The following TUT4 variants were observed in gnomAD, a reference collection of about 807,000 sequenced individuals.
TUT4 encodes the protein terminal uridylyltransferase 4.
Under a neutral mutation model 192.2 loss-of-function variants are expected in TUT4, and 36 were observed. The observed-to-expected ratio is 0.19, with a 90% CI of 0.14 to 0.25. TUT4 has a LOEUF of 0.25. Among genes scored for constraint, TUT4 ranks in the 10% least tolerant of loss-of-function variants. TUT4 has a pLI of 1.00. For synonymous variants in TUT4, 618 were observed against 666.0 expected (o/e 0.93, Z 1.11); for missense variants, 1,493 against 1,957.2 (o/e 0.76, Z 4.47).
chr1:52,499,285 G>T (rs1414823714), intron 4 of TUT4, among the ~76,000 whole-genome samples: 1 of 151,680 alleles, frequency 6.6e-6, no homozygotes, highest in Non-Finnish European at 1.5e-5. Flanking sequence ...GGTAATCCCA[G>T]CTACTCAGGA....
At chr1:52,441,444 A>ATCTTTTTT (rs1553160600) in intron 24 of TUT4, among the ~76,000 whole-genome samples, 1 of 119,984 alleles carries the variant, frequency 8.3e-6, no homozygotes, top group African/African-American at 3.7e-5. Context: ...TCTCGGCTAA[A>ATCTTTTTT]TTTTTTTTTT....
In TUT4 at chr1:52,503,889, A is replaced by G. The variant is rs543256428; in HGVS notation, c.999+5707T>C. Among the ~76,000 whole-genome samples the G allele has an allele frequency of 4.6e-5, 7 of 152,232 alleles. No individual in the cohort carries two copies. The South Asian group carries it at 1.5e-3, about 32-fold the overall frequency. The stretch of plus-strand genomic sequence containing the variant: ...GTCCCTTAAATGTTTGTATTCCTTG[A>G]CATTCTGTCCTTACTCATTTGGTGA... On this transcript the variant is annotated intron_variant, in intron 4 of 29. Coordinates refer to ENST00000257177, the MANE Select transcript of TUT4 (RefSeq NM_001009881.3).
At chr1:52,509,425 C>A (rs1191609149) in intron 4 of TUT4, among the ~76,000 whole-genome samples, 171 bp downstream of exon 4, 1 of 152,196 alleles carries the variant, frequency 6.6e-6, no homozygotes, top group Non-Finnish European at 1.5e-5. Context: ...CAACAAGGTT[C>A]CTTCCTGATT....
intron 29 of TUT4, chr1:52,424,483 T>G (rs2147995637): frequency 6.4e-6 from 1 of 155,380 alleles, no homozygotes; most frequent in Admixed American, 6.3e-5. Context: ...ATTTCCTGAG[T>G]GCCTGTTTTA....
chr1:52,443,222 G>T (rs917433213), intron 24 of TUT4, among the ~76,000 whole-genome samples: 1 of 150,742 alleles, frequency 6.6e-6, no homozygotes, highest in Non-Finnish European at 1.5e-5. Flanking sequence ...GGCAGAGGTT[G>T]CAGTGCACCA....
chr1:52,544,180 C>T (rs749584993), intron 1 of TUT4, among the ~76,000 whole-genome samples: 4 of 150,596 alleles, frequency 2.7e-5, no homozygotes, highest in Non-Finnish European at 5.9e-5. Flanking sequence ...CCAGGCTACT[C>T]GGGAGGCTGA....
At chr1:52,438,805 C>T (rs1654589224) in intron 24 of TUT4, among the ~76,000 whole-genome samples, 1 of 152,196 alleles carries the variant, frequency 6.6e-6, no homozygotes. Flanking sequence ...TGCAGTGACT[C>T]ATGCCTGTAA....
intron 20 of TUT4, among the ~76,000 whole-genome samples, chr1:52,456,560 ACACATATCACTG>A (rs1661044827): frequency 6.6e-6 from 1 of 151,834 alleles, no homozygotes; most frequent in Non-Finnish European, 1.5e-5. Context: ...GGAAATTTAA[ACACATATCACTG>A]AGTGATGGAA....
At chr1:52,446,788 A>G (rs998959359) in intron 20 of TUT4, 121 bp from the exon 21 acceptor site, 22 of 657,266 alleles carry the variant, frequency 3.3e-5, no homozygotes, top group African/African-American at 3.7e-5. Flanking sequence ...TCCAAAAAGA[A>G]CATGTCAGGA....
intron 14 of TUT4, among the ~76,000 whole-genome samples, chr1:52,471,008 CTTTTTTTTTT>C (rs771331613): frequency 4.9e-5 from 4 of 82,148 alleles, no homozygotes; most frequent in African/African-American, 6.1e-5. Context: ...GCACTCTATG[CTTTTTTTTTT>C]TTTTTTTTTT....
At chr1:52,434,540 T>G (rs1653139865) in intron 27 of TUT4, 1 of 152,116 alleles carries the variant, frequency 6.6e-6, no homozygotes, top group African/African-American at 2.4e-5. Flanking sequence ...CAAACAATAT[T>G]AAACTTATGA....
intron 22 of TUT4, 106 bp downstream of exon 22, chr1:52,446,159 G>T: frequency 7.3e-7 from 1 of 1,371,890 alleles, no homozygotes; most frequent in Non-Finnish European, 1.0e-6. Context: ...GAGGAAAACT[G>T]ATAAAAGAGG....
intron 3 of TUT4, among the ~76,000 whole-genome samples, chr1:52,513,454 TA>T (rs1203111451): frequency 9.4e-4 from 113 of 120,650 alleles, no homozygotes; most frequent in Non-Finnish European, 1.0e-3. Context: ...CCAAATAATT[TA>T]AAAAAAAAAA....
At chr1:52,426,895 TCTC>T (rs1211490892) in intron 28 of TUT4, among the ~76,000 whole-genome samples, 3 of 152,142 alleles carry the variant, frequency 2.0e-5, no homozygotes, top group Non-Finnish European at 4.4e-5. Context: ...CTCATAATAA[TCTC>T]CTCCGATACA....
chr1:52,505,826 C>T lies in TUT4; in HGVS notation c.999+3770G>A, dbSNP rs568058617. On this transcript the variant is annotated intron_variant, in intron 4 of 29. Coordinates refer to ENST00000257177, the MANE Select transcript of TUT4 (RefSeq NM_001009881.3). Reference sequence around the variant, plus strand: ...TGCTAACATGGTAAATCACAATGAGCGGGGTTTTTTTTGTTTTTGTTGTTT... The same window carrying T: ...TGCTAACATGGTAAATCACAATGAGTGGGGTTTTTTTTGTTTTTGTTGTTT... Among the ~76,000 whole-genome samples, 6 of 151,460 alleles carry T rather than the reference C, an allele frequency of 4.0e-5. No individual in the cohort carries two copies. The South Asian group carries it at 8.3e-4, about 21-fold the overall frequency.
chr1:52,510,624 C>T (rs1355547542), intron 3 of TUT4, among the ~76,000 whole-genome samples: 1 of 152,186 alleles, frequency 6.6e-6, no homozygotes, highest in African/African-American at 2.4e-5. Flanking sequence ...GTCACTCATA[C>T]TTCGTGTATG....
chr1:52,536,940 CG>C (rs1557999747), intron 1 of TUT4, among the ~76,000 whole-genome samples: 2 of 152,074 alleles, frequency 1.3e-5, no homozygotes, highest in Non-Finnish European at 2.9e-5. Context: ...CCAAGGCAGG[CG>C]GATCATGAGG....
At chr1:52,442,330 G>T (rs931683567) in intron 24 of TUT4, among the ~76,000 whole-genome samples, 35 of 152,026 alleles carry the variant, frequency 2.3e-4, no homozygotes, top group African/African-American at 7.7e-4. Context: ...CAAGAAAGAT[G>T]AAAGGACAGG....
chr1:52,459,115 A>G (rs888085319), intron 19 of TUT4, among the ~76,000 whole-genome samples: 9 of 152,122 alleles, frequency 5.9e-5, no homozygotes, highest in African/African-American at 1.9e-4. Context: ...GTGAAACCCC[A>G]TCTCTACTAA....
Sources: gnomAD v4.1 joint callset for allele counts (sites outside exome capture counted in the v4.1 genomes callset) on GRCh38, gnomAD v4.1.1 for gene constraint, MANE v1.5 for transcripts, NCBI Gene and HGNC (gene_info 2026-07-23, HGNC 2026-07-21) for gene names.